The following RAB30 variants were observed in gnomAD, a reference collection of about 807,000 sequenced individuals.
RAB30 encodes RAB30, member RAS oncogene family.
RAB30 carries 9 observed loss-of-function variants against 25.1 expected under a neutral mutation model. The observed-to-expected ratio is 0.36, with a 90% CI of 0.22 to 0.63. RAB30 has a LOEUF of 0.63. RAB30 is among the 20% of genes least tolerant of loss of function. The pLI, the probability that RAB30 is intolerant of heterozygous loss-of-function variation, is 0.69. For synonymous variants in RAB30, 77 were observed against 86.4 expected, an observed-to-expected ratio of 0.89 and a Z score of 0.60; for missense variants, 140 against 243.5, an observed-to-expected ratio of 0.58 and a Z score of 2.83.
chr11:83,018,297 C>CAAAAA, intron 1 of RAB30, among the ~76,000 whole-genome samples: 1 of 68,564 alleles, frequency 1.5e-5, no homozygotes, highest in African/African-American at 4.4e-5. Context: ...GACTCCATCT[C>CAAAAA]AAAAAAAAAA....
intron 1 of RAB30, among the ~76,000 whole-genome samples, chr11:83,044,962 T>C (rs1032227716): frequency 9.9e-5 from 15 of 152,204 alleles, no homozygotes; most frequent in East Asian, 9.6e-4. Flanking sequence ...CAAGGAATCT[T>C]TGATGTTCAA....
At position 82,980,232 on chromosome 11, in the gene RAB30, T is replaced by C. The variant is rs917444417; in HGVS notation, c.*1933A>G. ...AATTATTATAAATTATTTTGGTTTTTATTAAAATGACTTTTCTTTCCTGCA... is the reference window on the plus strand; with the variant it reads ...AATTATTATAAATTATTTTGGTTTTCATTAAAATGACTTTTCTTTCCTGCA... On this transcript the variant is annotated 3_prime_UTR_variant, in exon 5 of 5. Transcript: ENST00000527633. 2 of 152,226 alleles carry C rather than the reference T, an allele frequency of 1.3e-5. No homozygotes were observed. The highest frequency in any genetic ancestry group is 4.8e-5 in the African/African-American group (2 of 41,440). 9.4% of individuals were successfully genotyped at this position (152,226 alleles called of 1,614,324 possible). A position where few individuals can be genotyped will look rare whatever the true frequency, so the allele number is the denominator to read the frequency against.
chr11:82,989,889 A>G (rs1407315970), intron 3 of RAB30, among the ~76,000 whole-genome samples: 1 of 152,260 alleles, frequency 6.6e-6, no homozygotes, highest in Non-Finnish European at 1.5e-5. Flanking sequence ...ACATTAATAT[A>G]TGCAAGGTAC....
At position 82,978,396 on chromosome 11, in the gene RAB30, C is replaced by T. The variant is rs547159885; in HGVS notation, c.*3769G>A. 6.6e-6 allele frequency: 1 copy of T among 151,988 alleles called. No homozygotes were observed. Among genetic ancestry groups the T allele is most frequent in the African/African-American group, 2.4e-5 (1 of 41,472 alleles). The allele number at this position is 151,988 out of a possible 1,614,324, so 9.4% of individuals were successfully genotyped here. Reference sequence around the variant, plus strand: ...AATAAATCTAAACTTAGGAACATTTCCTCACAGTTCAAAAAGTTCTGCCCA... The same window carrying T: ...AATAAATCTAAACTTAGGAACATTTTCTCACAGTTCAAAAAGTTCTGCCCA... On this transcript the variant is annotated 3_prime_UTR_variant, in exon 5 of 5. Coordinates refer to ENST00000527633, the MANE Select transcript of RAB30 (RefSeq NM_001286060.2).
At chr11:82,994,219 C>A in intron 2 of RAB30, 97 bp from the exon 3 acceptor site, 1 of 1,029,834 alleles carries the variant, frequency 9.7e-7, no homozygotes. Flanking sequence ...CGGAGTCCTT[C>A]CTTCAGCTGA....
At chr11:82,998,393 CA>C (rs908199778) in intron 1 of RAB30, among the ~76,000 whole-genome samples, 2 of 151,892 alleles carry the variant, frequency 1.3e-5, no homozygotes, top group Non-Finnish European at 2.9e-5. Context: ...GAACCTTATA[CA>C]AAAATTACCC....
chr11:83,014,670 G>GAAAGAAAGAA lies in RAB30; in HGVS notation c.-8-17356_-8-17347dup, dbSNP rs1555035157. Among the ~76,000 whole-genome samples, 11 of 145,800 alleles carry GAAAGAAAGAA rather than the reference G, an allele frequency of 7.5e-5. No homozygotes were observed. In the East Asian group the frequency reaches 2.2e-3, roughly 29 times the overall value. On this transcript the variant is annotated intron_variant, in intron 1 of 4. Coordinates refer to ENST00000527633, the MANE Select transcript of RAB30 (RefSeq NM_001286060.2). Reference sequence around the variant, plus strand: ...AGAAAGAAAGAAAGAAAGAAAGAAAGAAAGAAAGAAAGAAAGAAAGAAAGA... The same window carrying GAAAGAAAGAA: ...AGAAAGAAAGAAAGAAAGAAAGAAAGAAAGAAAGAAAAAGAAAGAAAGAAAGAAAGAAAGA...
chr11:83,025,143 A>G (rs1262218524), intron 1 of RAB30, among the ~76,000 whole-genome samples: 1 of 152,244 alleles, frequency 6.6e-6, no homozygotes, highest in Admixed American at 6.5e-5. Context: ...AGGACTTCAC[A>G]TTGATAATAC....
At chr11:83,022,192 T>A (rs1156800804) in intron 1 of RAB30, among the ~76,000 whole-genome samples, 1 of 152,112 alleles carries the variant, frequency 6.6e-6, no homozygotes, top group Non-Finnish European at 1.5e-5. Flanking sequence ...AGGGCCTTGC[T>A]CTGTTGCTCA....
intron 3 of RAB30, among the ~76,000 whole-genome samples, chr11:82,991,675 C>T (rs931909188): frequency 1.3e-5 from 2 of 151,990 alleles, no homozygotes; most frequent in African/African-American, 4.8e-5. Context: ...ATATATTGGG[C>T]TTGAAAGAAT....
At chr11:83,053,751 TC>T (rs1484766466) in intron 1 of RAB30, among the ~76,000 whole-genome samples, 5 of 152,188 alleles carry the variant, frequency 3.3e-5, no homozygotes, top group Admixed American at 2.0e-4. Context: ...GACTAAATTT[TC>T]CATAAGACTT....
chr11:82,990,895 T>C (rs1035616347), intron 3 of RAB30, among the ~76,000 whole-genome samples: 1 of 152,196 alleles, frequency 6.6e-6, no homozygotes, highest in Non-Finnish European at 1.5e-5. Flanking sequence ...CAGACCCTTT[T>C]AAGAGAAGGG....
intron 1 of RAB30, among the ~76,000 whole-genome samples, chr11:83,023,456 G>A (rs1857629970): frequency 6.6e-6 from 1 of 152,190 alleles, no homozygotes; most frequent in Non-Finnish European, 1.5e-5. Flanking sequence ...GTCTGCTCCT[G>A]TCTTGCTGAT....
chr11:83,020,702 T>C (rs1243275922), intron 1 of RAB30, among the ~76,000 whole-genome samples: 3 of 152,178 alleles, frequency 2.0e-5, no homozygotes, highest in Non-Finnish European at 4.4e-5. Flanking sequence ...CATGCACTTC[T>C]TCCCCTCTAA....
Position 82,985,617 on chromosome 11 carries a change from C to G in RAB30, c.361+1970G>C, listed in dbSNP as rs1202916673. Reference sequence around the variant, plus strand: ...CCTATAGGTCAAACAAATGCATTAGCAAAAAATTCTAAGAGAGAAAAAAAA... The same window carrying G: ...CCTATAGGTCAAACAAATGCATTAGGAAAAAATTCTAAGAGAGAAAAAAAA... On this transcript the variant is annotated intron_variant, in intron 4 of 4. Coordinates refer to ENST00000527633, the MANE Select transcript of RAB30 (RefSeq NM_001286060.2). Among the ~76,000 whole-genome samples, 4 of 142,610 alleles carry G rather than the reference C, an allele frequency of 2.8e-5. No individual in the cohort carries two copies. In the East Asian group the frequency reaches 8.1e-4, roughly 29 times the overall value. 93.6% of individuals were successfully genotyped at this position (142,610 alleles called of 152,430 possible).
rs569512571 is a variant in RAB30, at chr11:82,978,977, C to T, written c.*3188G>A. 1.3e-5 allele frequency: 2 copies of T among 151,846 alleles called. No individual in the cohort carries two copies. The highest frequency in any genetic ancestry group is 4.2e-4 in the South Asian group (2 of 4,798). 9.4% of individuals were successfully genotyped at this position (151,846 alleles called of 1,614,324 possible). A position where few individuals can be genotyped will look rare whatever the true frequency, so the allele number is the denominator to read the frequency against. On this transcript the variant is annotated 3_prime_UTR_variant, in exon 5 of 5. Coordinates refer to ENST00000527633, the MANE Select transcript of RAB30 (RefSeq NM_001286060.2). ...TAAAAACGTGAAATGATTAAAAGAC[C>T]GAGAAAAAGAAAGGCCAGGAAGAAC...
chr11:83,018,040 C>T (rs1857478096), intron 1 of RAB30, among the ~76,000 whole-genome samples: 1 of 152,204 alleles, frequency 6.6e-6, no homozygotes, highest in African/African-American at 2.4e-5. Flanking sequence ...GTGGCTCACG[C>T]CTGTAATCCC....
chr11:83,055,331 C>T (rs964098328), intron 1 of RAB30, among the ~76,000 whole-genome samples: 1 of 152,226 alleles, frequency 6.6e-6, no homozygotes, highest in African/African-American at 2.4e-5. Context: ...AGGTCTCTGA[C>T]CACAGCAAAG....
At chr11:83,065,017 T>A (rs543497440) in intron 1 of RAB30, among the ~76,000 whole-genome samples, 28 of 152,314 alleles carry the variant, frequency 1.8e-4, no homozygotes, top group African/African-American at 6.7e-4. Flanking sequence ...TGCGTGACAT[T>A]TTTGAAGATC....
Sources: allele counts gnomAD v4.1 joint callset (sites outside exome capture counted in the v4.1 genomes callset), GRCh38; gene constraint gnomAD v4.1.1; transcripts MANE v1.5; gene names NCBI Gene and HGNC (gene_info 2026-07-23, HGNC 2026-07-21).